GATAD2B: variants seen among roughly 807,000 people sequenced by gnomAD.
GATAD2B encodes the protein GATA zinc finger domain containing 2B, also known as transcriptional repressor p66-beta.
In GATAD2B, 8 loss-of-function variants were observed where a neutral mutation model predicts 64.3. The ratio of observed to expected loss-of-function variants is 0.12; its 90% CI spans 0.07 to 0.22. The LOEUF is 0.22. GATAD2B is among the 10% of genes least tolerant of loss of function. The probability of loss-of-function intolerance (pLI) is 1.00; values close to 1 mark genes in which losing one functional copy is unlikely to be tolerated. For missense variants in GATAD2B, 453 were observed against 752.0 expected, an observed-to-expected ratio of 0.60 and a Z score of 4.65; for synonymous variants, 281 against 271.3, an observed-to-expected ratio of 1.04 and a Z score of -0.35.
intron 1 of GATAD2B, among the ~76,000 whole-genome samples, chr1:153,851,442 T>G (rs72694234): frequency 0.27 from 41,482 of 152,016 alleles, 6,205 homozygotes; most frequent in Admixed American, 0.39. Context: ...TTCACTCCCT[T>G]GCCACTTAAA....
chr1:153,866,202 CAAAAAAA>C (rs68135109), intron 1 of GATAD2B, among the ~76,000 whole-genome samples: 2 of 99,768 alleles, frequency 2.0e-5, no homozygotes, highest in Non-Finnish European at 4.0e-5. Flanking sequence ...CACTAGGTCT[CAAAAAAA>C]AAAAAAAAAA....
At chr1:153,886,961 A>G (rs1677204110) in intron 1 of GATAD2B, among the ~76,000 whole-genome samples, 1 of 152,228 alleles carries the variant, frequency 6.6e-6, no homozygotes, top group Admixed American at 6.6e-5. Context: ...ATACAAGCCA[A>G]AATTTGTTTA....
chr1:153,855,570 G>A (rs1676056664), intron 1 of GATAD2B, among the ~76,000 whole-genome samples: 1 of 152,052 alleles, frequency 6.6e-6, no homozygotes, highest in Non-Finnish European at 1.5e-5. Flanking sequence ...CAAATTTAGT[G>A]GCTTAAACAC....
At chr1:153,848,351 T>C (rs1445179696) in intron 1 of GATAD2B, among the ~76,000 whole-genome samples, 1 of 152,218 alleles carries the variant, frequency 6.6e-6, no homozygotes, top group Non-Finnish European at 1.5e-5. Context: ...CCAATAATTA[T>C]TTACCAATCC....
At chr1:153,913,441 CAAA>C (rs1678165103) in intron 1 of GATAD2B, among the ~76,000 whole-genome samples, 1 of 152,088 alleles carries the variant, frequency 6.6e-6, no homozygotes, top group African/African-American at 2.4e-5. Flanking sequence ...TGCTCATTAA[CAAA>C]ATTGAAACCT....
At chr1:153,861,192 C>G (rs888333639) in intron 1 of GATAD2B, among the ~76,000 whole-genome samples, 1 of 152,086 alleles carries the variant, frequency 6.6e-6, no homozygotes, top group Non-Finnish European at 1.5e-5. Context: ...GAGAAGGACG[C>G]CTGCCTCCAA....
At chr1:153,840,209 T>C (rs2101900769) in intron 1 of GATAD2B, among the ~76,000 whole-genome samples, 1 of 150,720 alleles carries the variant, frequency 6.6e-6, no homozygotes, top group African/African-American at 2.4e-5. Context: ...ATTTTTTGTA[T>C]TTTTAGTAGA....
chr1:153,890,637 C>A (rs1677354083), intron 1 of GATAD2B: 1 of 152,096 alleles, frequency 6.6e-6, no homozygotes, highest in Admixed American at 6.6e-5. Flanking sequence ...TTGATCAACT[C>A]TAGGCTCCAA....
chr1:153,818,224 T>C lies in GATAD2B; in HGVS notation c.598-53A>G, dbSNP rs1055157903. On this transcript the variant is annotated intron_variant, in intron 4 of 10. Transcript: ENST00000368655. The stretch of plus-strand genomic sequence containing the variant: ...GTGGCCAATAATCACAGGTGGAAAT[T>C]TGGTACATTTCTAGACTTTAAAAAT... 28 of 1,514,234 alleles carry C rather than the reference T, an allele frequency of 1.8e-5. No homozygotes were observed. The East Asian group carries it at 5.8e-4, about 31-fold the overall frequency. 93.8% of individuals were successfully genotyped at this position (1,514,234 alleles called of 1,614,324 possible).
chr1:153,820,764 G>T (rs762604603), intron 2 of GATAD2B, among the ~76,000 whole-genome samples: 13 of 151,876 alleles, frequency 8.6e-5, no homozygotes, highest in Non-Finnish European at 1.5e-4. Context: ...TGAGTAACTG[G>T]GACTACAGGC....
chr1:153,829,945 C>G (rs1034828205), intron 1 of GATAD2B, among the ~76,000 whole-genome samples: 1 of 151,756 alleles, frequency 6.6e-6, no homozygotes, highest in Non-Finnish European at 1.5e-5. Context: ...ACTAAAAATA[C>G]TAAAATTAGG....
At chr1:153,885,762 C>T (rs1186304952) in intron 1 of GATAD2B, among the ~76,000 whole-genome samples, 5 of 150,926 alleles carry the variant, frequency 3.3e-5, no homozygotes, top group Admixed American at 6.6e-5. Flanking sequence ...ACTCAGGAGG[C>T]TGAGGCAGAA....
rs1308877890 is a variant in GATAD2B at position 153,819,587 on chromosome 1, A to G, written c.465+19T>C. The G allele has an allele frequency of 6.4e-7, 1 of 1,555,952 alleles. No homozygotes were observed. The highest frequency in any genetic ancestry group is 1.2e-5 in the South Asian group (1 of 83,092). ...AGAAGGAGCATAACAAGAAGAAAGA[A>G]ATTTTTCTTTCTTTTTACCTTAAAC... On this transcript the variant is annotated intron_variant, in intron 3 of 10. Coordinates refer to ENST00000368655, the MANE Select transcript of GATAD2B (RefSeq NM_020699.4).
intron 1 of GATAD2B, among the ~76,000 whole-genome samples, chr1:153,872,489 A>G (rs1404529322): frequency 6.6e-6 from 1 of 151,808 alleles, no homozygotes; most frequent in Non-Finnish European, 1.5e-5. Flanking sequence ...TATATTGGTC[A>G]TGTGAAAACT....
At chr1:153,883,747 G>C (rs1677076726) in intron 1 of GATAD2B, among the ~76,000 whole-genome samples, 1 of 150,900 alleles carries the variant, frequency 6.6e-6, no homozygotes, top group Non-Finnish European at 1.5e-5. Context: ...AAAAAGCTTA[G>C]ATACAATTAA....
intron 1 of GATAD2B, among the ~76,000 whole-genome samples, chr1:153,859,634 C>T (rs966161451): frequency 5.3e-5 from 8 of 150,186 alleles, no homozygotes; most frequent in Non-Finnish European, 8.9e-5. Context: ...TGCACCACTC[C>T]ACTCCAGCCT....
At chr1:153,866,747 C>T (rs558527478) in intron 1 of GATAD2B, among the ~76,000 whole-genome samples, 1 of 152,192 alleles carries the variant, frequency 6.6e-6, no homozygotes, top group Non-Finnish European at 1.5e-5. Flanking sequence ...ATTTTTGATG[C>T]TACAAAGAAG....
intron 5 of GATAD2B, 37 bp downstream of exon 5, chr1:153,818,003 G>A: frequency 3.2e-6 from 5 of 1,539,166 alleles, no homozygotes; most frequent in Non-Finnish European, 8.8e-7. Context: ...ATTAGACACG[G>A]CCCTCCAACA....
intron 1 of GATAD2B, among the ~76,000 whole-genome samples, chr1:153,885,029 T>C (rs1677135936): frequency 6.6e-6 from 1 of 152,114 alleles, no homozygotes; most frequent in Non-Finnish European, 1.5e-5. Context: ...AGTGCTGAGA[T>C]TACAGGTGTG....
Sources: gnomAD v4.1 joint callset for allele counts (sites outside exome capture counted in the v4.1 genomes callset) on GRCh38, gnomAD v4.1.1 for gene constraint, MANE v1.5 for transcripts, NCBI Gene and HGNC (gene_info 2026-07-23, HGNC 2026-07-21) for gene names.